The following ADAMTS17 variants were observed in gnomAD, a reference collection of about 807,000 sequenced individuals.
The protein encoded by ADAMTS17 is ADAM metallopeptidase with thrombospondin type 1 motif 17.
A neutral mutation model predicts 141.5 loss-of-function variants in ADAMTS17; 113 were observed. That is an observed-to-expected ratio of 0.80 (90% CI 0.69 to 0.93). The LOEUF (loss-of-function observed/expected upper bound fraction) is 0.93. ADAMTS17 is among the 40% of genes least tolerant of loss of function. The probability of loss-of-function intolerance (pLI) is 0.00; values close to 1 mark genes in which losing one functional copy is unlikely to be tolerated. For missense variants in ADAMTS17, 1,659 were observed against 1,517.9 expected (o/e 1.09, Z -1.54); for synonymous variants, 768 against 630.6 (o/e 1.22, Z -3.27).
At chr15:100,033,063 G>C (rs867725473) in intron 18 of ADAMTS17, among the ~76,000 whole-genome samples, 10 of 152,152 alleles carry the variant, frequency 6.6e-5, no homozygotes, top group Admixed American at 2.0e-4. Context: ...GAAAAAAAAT[G>C]GTTCTCTGGA....
At chr15:100,014,207 A>G (rs1405630348) in intron 18 of ADAMTS17, among the ~76,000 whole-genome samples, 1 of 152,152 alleles carries the variant, frequency 6.6e-6, no homozygotes, top group Non-Finnish European at 1.5e-5. Context: ...AATCTTTCAC[A>G]TTTCACTGGT....
At chr15:100,101,309 C>T (rs556059254) in intron 14 of ADAMTS17, among the ~76,000 whole-genome samples, 3 of 152,210 alleles carry the variant, frequency 2.0e-5, no homozygotes, top group African/African-American at 7.2e-5. Context: ...GGAATGATCA[C>T]GTTTGTGAGC....
chr15:100,029,008 G>C (rs1049702711), intron 18 of ADAMTS17, among the ~76,000 whole-genome samples: 8 of 152,226 alleles, frequency 5.3e-5, no homozygotes, highest in Non-Finnish European at 1.2e-4. Flanking sequence ...ACATCTCGCT[G>C]TCTGGCCCGA....
At chr15:100,162,520 G>A (rs1380398273) in intron 8 of ADAMTS17, among the ~76,000 whole-genome samples, 3 of 85,424 alleles carry the variant, frequency 3.5e-5, no homozygotes, top group South Asian at 4.2e-4. Context: ...GTATATATAT[G>A]CACATATACA....
intron 18 of ADAMTS17, among the ~76,000 whole-genome samples, chr15:100,033,626 T>C (rs535827632): frequency 6.6e-6 from 1 of 152,318 alleles, no homozygotes; most frequent in Non-Finnish European, 1.5e-5. Flanking sequence ...CTCCCGTTTG[T>C]TGGCCAACAG....
intron 7 of ADAMTS17, among the ~76,000 whole-genome samples, chr15:100,228,376 T>C (rs1016919402): frequency 1.3e-5 from 2 of 152,244 alleles, no homozygotes; most frequent in Non-Finnish European, 2.9e-5. Context: ...GTAAGTGTTC[T>C]GAAGGCAGGA....
At chr15:100,326,405 G>A (rs190554267) in intron 3 of ADAMTS17, among the ~76,000 whole-genome samples, 27 of 152,224 alleles carry the variant, frequency 1.8e-4, no homozygotes, top group Admixed American at 1.0e-3. Context: ...AAGTGTAGAG[G>A]AACCAAATTT....
chr15:100,267,344 G>A (rs1482865349), intron 4 of ADAMTS17, among the ~76,000 whole-genome samples: 2 of 152,080 alleles, frequency 1.3e-5, no homozygotes, highest in African/African-American at 4.8e-5. Flanking sequence ...TCCATTGTAT[G>A]GACACCCCAC....
chr15:100,037,526 T>C (rs1263347560), intron 18 of ADAMTS17, among the ~76,000 whole-genome samples: 1 of 151,782 alleles, frequency 6.6e-6, no homozygotes, highest in African/African-American at 2.4e-5. Flanking sequence ...TTCTCATGCC[T>C]GTCCCCTGAG....
At chr15:100,010,204 C>G (rs910773913) in intron 18 of ADAMTS17, among the ~76,000 whole-genome samples, 6 of 152,222 alleles carry the variant, frequency 3.9e-5, no homozygotes, top group Non-Finnish European at 8.8e-5. Context: ...AAACCTCTTT[C>G]CTTTATAAAT....
chr15:100,164,723 A>C (rs2141434192), intron 8 of ADAMTS17, among the ~76,000 whole-genome samples: 1 of 152,218 alleles, frequency 6.6e-6, no homozygotes, highest in East Asian at 1.9e-4. Flanking sequence ...ACCCCACTTC[A>C]ACGCCTTTAT....
intron 20 of ADAMTS17, among the ~76,000 whole-genome samples, chr15:99,978,081 C>T (rs2573657): frequency 0.044 from 6,700 of 152,224 alleles, 448 homozygotes; most frequent in African/African-American, 0.14. Context: ...GCAGGTGCCC[C>T]GCAGATCCTG....
rs2141998057 is a variant in ADAMTS17, at chr15:100,341,243, C to G, written c.246G>C (p.Leu82=). The part of the protein sequence containing the change: ...PRARPGERAL[L]LHLPAFGRDL... ...CGCGCCCGAAGGCCGGCAGGTGCAG[C>G]AGCAGGGCGCGCTCTCCGGGCCGGG... The change falls in exon 2 of 22, where the codon CTG becomes CTC. Residue 82 remains leucine (L), a synonymous_variant. Transcript: ENST00000268070. The G allele has an allele frequency of 7.2e-7, 1 of 1,381,768 alleles. No individual in the cohort carries two copies. Among genetic ancestry groups the G allele is most frequent in the East Asian group, 3.3e-5 (1 of 29,942 alleles). 85.6% of individuals were successfully genotyped at this position (1,381,768 alleles called of 1,614,324 possible). A position where few individuals can be genotyped will look rare whatever the true frequency, so the allele number is the denominator to read the frequency against.
chr15:100,031,613 C>A (rs2030173681), intron 18 of ADAMTS17, among the ~76,000 whole-genome samples: 1 of 152,198 alleles, frequency 6.6e-6, no homozygotes, highest in African/African-American at 2.4e-5. Context: ...ACATCTGTCC[C>A]CTAATGGGTA....
intron 6 of ADAMTS17, among the ~76,000 whole-genome samples, chr15:100,259,285 A>C (rs1275265308): frequency 2.0e-5 from 3 of 152,150 alleles, no homozygotes; most frequent in Non-Finnish European, 4.4e-5. Context: ...GTTCCCAAGG[A>C]CTCTTGCTTG....
At chr15:100,272,354 T>A (rs1304140330) in intron 4 of ADAMTS17, among the ~76,000 whole-genome samples, 1 of 152,156 alleles carries the variant, frequency 6.6e-6, no homozygotes. Context: ...TCCATTTATG[T>A]CTTCTTTAAT....
intron 12 of ADAMTS17, among the ~76,000 whole-genome samples, chr15:100,123,187 C>T (rs890488394): frequency 3.3e-5 from 5 of 152,140 alleles, no homozygotes; most frequent in Admixed American, 3.3e-4. Flanking sequence ...GGGACCAGAT[C>T]CCCAAAAGCA....
chr15:100,166,948 G>A (rs1468640481), intron 8 of ADAMTS17, among the ~76,000 whole-genome samples: 1 of 152,216 alleles, frequency 6.6e-6, no homozygotes, highest in African/African-American at 2.4e-5. Context: ...AAATCAGCAG[G>A]CTATTGGTAT....
At chr15:100,148,289 G>T (rs1037433848) in intron 10 of ADAMTS17, among the ~76,000 whole-genome samples, 2 of 152,212 alleles carry the variant, frequency 1.3e-5, no homozygotes, top group Non-Finnish European at 1.5e-5. Flanking sequence ...GACTTTGAGT[G>T]TATCTAAATC....
Sources: allele counts gnomAD v4.1 joint callset (sites outside exome capture counted in the v4.1 genomes callset), GRCh38; gene constraint gnomAD v4.1.1; transcripts MANE v1.5; gene names NCBI Gene and HGNC (gene_info 2026-07-23, HGNC 2026-07-21).